L3HYPDH: variants seen among roughly 807,000 people sequenced by gnomAD.
L3HYPDH encodes trans-3-hydroxy-L-proline dehydratase.
Under a neutral mutation model 26.5 loss-of-function variants are expected in L3HYPDH, and 32 were observed. The observed-to-expected ratio is 1.21, with a 90% confidence interval of 0.91 to 1.62. The LOEUF is 1.62. Among genes scored for constraint, L3HYPDH ranks in the 40% most tolerant of loss-of-function variants. The pLI, the probability that L3HYPDH is intolerant of heterozygous loss-of-function variation, is 0.00. For synonymous variants in L3HYPDH, 215 were observed against 196.6 expected (o/e 1.09, Z -0.78); for missense variants, 554 against 476.4 (o/e 1.16, Z -1.52).
chr14:59,495,879 G>C, the L3HYPDH span, among the ~76,000 whole-genome samples: 1 of 151,966 alleles, frequency 6.6e-6, no homozygotes, highest in African/African-American at 2.4e-5. Context: ...TAGAAAAAAT[G>C]AAAATCTTCT....
the L3HYPDH span, chr14:59,498,881 C>A: frequency 6.2e-7 from 1 of 1,609,534 alleles, no homozygotes; most frequent in Non-Finnish European, 8.5e-7. Context: ...TTTAACCGTG[C>A]TTCAGGCAGT....
At chr14:59,505,208 C>A in the L3HYPDH span, 2 of 1,213,626 alleles carry the variant, frequency 1.6e-6, no homozygotes, top group South Asian at 1.6e-5. Context: ...AGTAGTCTGT[C>A]TTTTGAATTC....
chr14:59,476,175 A>G lies in L3HYPDH; in HGVS notation c.718T>C (p.Leu240=). 2.5e-6 allele frequency: 4 copies of G among 1,611,818 alleles called. No individual in the cohort carries two copies. The highest frequency in any genetic ancestry group is 3.4e-6 in the Non-Finnish European group (4 of 1,178,156). Residue 240 remains leucine (L), a synonymous_variant, in exon 3 of 5, where the codon TTA becomes CTA. Coordinates refer to ENST00000247194, the MANE Select transcript of L3HYPDH (RefSeq NM_144581.2). The part of the protein sequence containing the change: ...NHPDSEDLAF[L]YGTILTDGKD... ...CCATCTGTTAATATAGTTCCATATAAAAAGGCAAGGTCTTCACTATCAGGA... is the reference window on the plus strand; with the variant it reads ...CCATCTGTTAATATAGTTCCATATAGAAAGGCAAGGTCTTCACTATCAGGA...
At position 59,484,140 on chromosome 14, in the gene L3HYPDH, G is replaced by T; in HGVS notation, c.177C>A (p.Asp59Glu). 1 of 1,602,034 alleles carries T rather than the reference G, an allele frequency of 6.2e-7. No homozygotes were observed. Residue 59 changes from aspartate (D) to glutamate (E), a missense_variant, in exon 1 of 5, where the codon GAC becomes GAA. Coordinates refer to ENST00000247194, the MANE Select transcript of L3HYPDH (RefSeq NM_144581.2). The part of the protein sequence containing the change: ...AKRRYMRQHL[D>E]HVRRRLMFEP... ...CGAACATGAGCCGTCGCCGCACGTG[G>T]TCAAGGTGCTGGCGCATGTAGCGCC...
At position 59,476,185 on chromosome 14, in the gene L3HYPDH, G is replaced by T. The variant is rs1344890097; in HGVS notation, c.708C>A (p.Asp236Glu). Residue 236 changes from aspartate (D) to glutamate (E), a missense_variant, in exon 3 of 5, where the codon GAC becomes GAA. Coordinates refer to ENST00000247194, the MANE Select transcript of L3HYPDH (RefSeq NM_144581.2). ...QFKINHPDSE[D>E]LAFLYGTILT... ...ATATAGTTCCATATAAAAAGGCAAG[G>T]TCTTCACTATCAGGATGATTAATTT... 10 of 1,607,200 alleles carry T rather than the reference G, an allele frequency of 6.2e-6. No homozygotes were observed. Among genetic ancestry groups the T allele is most frequent in the Non-Finnish European group, 8.5e-6 (10 of 1,174,562 alleles).
chr14:59,490,141 C>T, the L3HYPDH span, among the ~76,000 whole-genome samples: 191 of 152,102 alleles, frequency 1.3e-3, no homozygotes, highest in Non-Finnish European at 2.3e-3. Context: ...AGGCTGGTCT[C>T]GATCTCCTGG....
chr14:59,500,121 T>G, the L3HYPDH span, among the ~76,000 whole-genome samples: 1 of 152,254 alleles, frequency 6.6e-6, no homozygotes, highest in Admixed American at 6.5e-5. Flanking sequence ...ATTGTTTAGC[T>G]ACTTATAAGT....
intron 1 of L3HYPDH, among the ~76,000 whole-genome samples, chr14:59,467,442 G>A (rs554573182): frequency 6.6e-6 from 1 of 152,276 alleles, no homozygotes; most frequent in Admixed American, 6.5e-5. Flanking sequence ...CCGTGAGCAA[G>A]TGCATGGTTC....
chr14:59,498,614 A>G, the L3HYPDH span: 1 of 604,760 alleles, frequency 1.7e-6, no homozygotes. Flanking sequence ...TCCAATGGAT[A>G]GAGTAAATAT....
Position 59,484,184 on chromosome 14 carries a change from G to A in L3HYPDH, c.133C>T (p.Pro45Ser), listed in dbSNP as rs781056392. Residue 45 changes from proline to serine, a missense_variant, in exon 1 of 5, where the codon CCC becomes TCC. Physicochemically the swap from Pro to Ser is moderately conservative, Grantham distance 74. Transcript: ENST00000247194. ...TAGCGCCGCTTGGCCAGCAGGGTGG[G>A]CCCAGACACCTCCGGACACCCCGCC... Reference protein sequence around the residue: ...VLAGCPEVSGPTLLAKRRYMR... With the variant: ...VLAGCPEVSGSTLLAKRRYMR... The A allele has an allele frequency of 6.3e-7, 1 of 1,599,414 alleles. No individual in the cohort carries two copies. Among genetic ancestry groups the A allele is most frequent in the Non-Finnish European group, 8.5e-7 (1 of 1,179,618 alleles).
the L3HYPDH span, among the ~76,000 whole-genome samples, chr14:59,498,134 G>A: frequency 6.6e-6 from 1 of 152,110 alleles, no homozygotes; most frequent in African/African-American, 2.4e-5. Context: ...TGTTCCTTGA[G>A]ATGATTCTGC....
chr14:59,467,636 T>TA (rs1363946629), downstream of L3HYPDH, among the ~76,000 whole-genome samples: 7 of 152,108 alleles, frequency 4.6e-5, no homozygotes, highest in Non-Finnish European at 1.0e-4. Flanking sequence ...ACTTCAAAGA[T>TA]AATCTATATA....
chr14:59,485,339 C>T (rs1016505744), upstream of L3HYPDH: 1 of 406,068 alleles, frequency 2.5e-6, no homozygotes, highest in African/African-American at 2.1e-5. Flanking sequence ...CAATTGGTTA[C>T]AAAAAAAATA....
In L3HYPDH at chr14:59,479,182, C is replaced by T. The variant is rs755925358; in HGVS notation, c.678G>A (p.Gln226=). The T allele has an allele frequency of 6.2e-6, 10 of 1,601,934 alleles. No individual in the cohort carries two copies. Among genetic ancestry groups the T allele is most frequent in the Non-Finnish European group, 8.5e-6 (10 of 1,176,510 alleles). ...ASAVTEAVKA[Q]FKINHPDSED... is the part of the protein sequence containing the mutation. ...GTTATGAAGGCAGAGTATTACTGAC[C>T]TGAGCTTTCACTGCCTCTGTCACTG... Residue 226 remains glutamine (Q), a splice_region_variant and synonymous_variant, in exon 2 of 5, where the codon CAG becomes CAA. Coordinates refer to ENST00000247194, the MANE Select transcript of L3HYPDH (RefSeq NM_144581.2).
upstream of L3HYPDH, chr14:59,484,603 C>T (rs563194280): frequency 1.9e-6 from 3 of 1,578,970 alleles, no homozygotes; most frequent in African/African-American, 2.7e-5. Flanking sequence ...GGTGAGTGGT[C>T]GCCAAGATCC....
chr14:59,487,832 A>G, upstream of L3HYPDH: 1 of 1,612,812 alleles, frequency 6.2e-7, no homozygotes, highest in Non-Finnish European at 8.5e-7. Flanking sequence ...AAAAGAGGTT[A>G]GCACATTTCT....
chr14:59,504,157 T>C, the L3HYPDH span: 3 of 759,540 alleles, frequency 3.9e-6, no homozygotes, highest in Non-Finnish European at 4.4e-6. Flanking sequence ...AGAACTATTC[T>C]ATCATATATG....
the L3HYPDH span, chr14:59,504,257 G>A: frequency 5.0e-6 from 3 of 596,386 alleles, no homozygotes; most frequent in African/African-American, 1.9e-5. Flanking sequence ...GCAAAACTCT[G>A]TAATACTCTG....
rs774372079 is a variant in L3HYPDH, at chr14:59,479,277, C to A, written c.583G>T (p.Val195Phe). ...TCTAGTCCTAACTTTTCAGCAGTAA[C>A]AAATGCATAAAATGCACCGCCATAT... is the stretch of plus-strand genomic sequence containing the variant. ...IAYGGAFYAF[V>F]TAEKLGLDIC... The change falls in exon 2 of 5, where the codon GTT becomes TTT. Residue 195 changes from valine (V) to phenylalanine (F), a missense_variant. Coordinates refer to ENST00000247194, the MANE Select transcript of L3HYPDH (RefSeq NM_144581.2). 132 of 1,613,680 alleles carry A rather than the reference C, an allele frequency of 8.2e-5. No homozygotes were observed. Among genetic ancestry groups the A allele is most frequent in the Non-Finnish European group, 1.1e-4 (127 of 1,179,908 alleles).
Sources: gnomAD v4.1 joint callset for allele counts (sites outside exome capture counted in the v4.1 genomes callset) on GRCh38, gnomAD v4.1.1 for gene constraint, MANE v1.5 for transcripts, NCBI Gene and HGNC (gene_info 2026-07-23, HGNC 2026-07-21) for gene names.